Variants in RHBDD1 observed in about 807,000 individuals in gnomAD.
The protein encoded by RHBDD1 is rhomboid-related protein 4.
A neutral mutation model predicts 36.3 loss-of-function variants in RHBDD1; 38 were observed. The ratio of observed to expected loss-of-function variants is 1.05; its 90% CI spans 0.81 to 1.37. The LOEUF (loss-of-function observed/expected upper bound fraction) is 1.37. Among genes scored for constraint, RHBDD1 ranks in the 40% most tolerant of loss-of-function variants. The pLI is 0.00. For missense variants in RHBDD1, 393 were observed against 377.6 expected (o/e 1.04, Z -0.34); for synonymous variants, 151 against 136.5 (o/e 1.11, Z -0.74).
At chr2:226,810,594 G>T in the RHBDD1 span, among the ~76,000 whole-genome samples, 118 of 100,002 alleles carry the variant, frequency 1.2e-3, no homozygotes, top group African/African-American at 4.8e-3. Context: ...ATAAGGAAAA[G>T]AAAATATATT....
intron 3 of RHBDD1, among the ~76,000 whole-genome samples, chr2:226,863,296 G>A (rs556543656): frequency 6.6e-6 from 1 of 152,326 alleles, no homozygotes; most frequent in East Asian, 1.9e-4. Flanking sequence ...CCAAGATCAT[G>A]CCATTGCACT....
chr2:226,906,285 A>G (rs1948046268), intron 5 of RHBDD1, among the ~76,000 whole-genome samples: 1 of 152,214 alleles, frequency 6.6e-6, no homozygotes, highest in Non-Finnish European at 1.5e-5. Flanking sequence ...TGGTGGATGC[A>G]GGTGGGCATC....
At chr2:226,981,880 C>T (rs1955846609) in intron 8 of RHBDD1, among the ~76,000 whole-genome samples, 2 of 152,294 alleles carry the variant, frequency 1.3e-5, no homozygotes, top group South Asian at 4.1e-4. Flanking sequence ...CAGATGGCTT[C>T]TCACTGCCAC....
At chr2:226,811,299 T>C in the RHBDD1 span, among the ~76,000 whole-genome samples, 1 of 151,752 alleles carries the variant, frequency 6.6e-6, no homozygotes, top group Non-Finnish European at 1.5e-5. Flanking sequence ...CCTAAAATTG[T>C]TTTTATTTTT....
rs543179081 is a variant in RHBDD1, at chr2:226,955,023, T to C, written c.857-40408T>C. On this transcript the variant is annotated intron_variant, in intron 8 of 8. Coordinates refer to ENST00000392062, the MANE Select transcript of RHBDD1 (RefSeq NM_001167608.3). ...GAGAGATTGGTGTGCTTGAGGGTAC[T>C]GAAAGCAGGAGAAGTTGCCAAGCAG... Among the ~76,000 whole-genome samples, 7 of 152,008 alleles carry C rather than the reference T, an allele frequency of 4.6e-5. No individual in the cohort carries two copies. In the East Asian group the frequency reaches 1.4e-3, roughly 29 times the overall value.
the RHBDD1 span, among the ~76,000 whole-genome samples, chr2:226,819,773 G>T: frequency 2.0e-5 from 3 of 151,904 alleles, no homozygotes; most frequent in Admixed American, 2.0e-4. Flanking sequence ...TCACATTATT[G>T]CTCAGTAGAA....
At chr2:226,836,009 G>A (rs906172545), upstream of RHBDD1, 4 of 152,692 alleles carry the variant, frequency 2.6e-5, no homozygotes, top group African/African-American at 4.8e-5. Context: ...CCAGGAACCC[G>A]GGGCGCCCCG....
intron 5 of RHBDD1, among the ~76,000 whole-genome samples, chr2:226,871,530 T>G (rs1222551419): frequency 6.6e-6 from 1 of 152,234 alleles, no homozygotes; most frequent in East Asian, 1.9e-4. Flanking sequence ...ATATTGCCTT[T>G]GATTATTGTA....
At position 226,873,142 on chromosome 2, in the gene RHBDD1, G is replaced by C. The variant is rs377631759; in HGVS notation, c.566+5824G>C. Among the ~76,000 whole-genome samples the C allele has an allele frequency of 3.3e-5, 5 of 152,254 alleles. No homozygotes were observed. In the East Asian group the frequency reaches 5.8e-4, roughly 18 times the overall value. On this transcript the variant is annotated intron_variant, in intron 5 of 8. Coordinates refer to ENST00000392062, the MANE Select transcript of RHBDD1 (RefSeq NM_001167608.3). ...TGGGACCGCTGCTCTTGCATATCCT[G>C]TTATCATCCTGGTTACAAATGCACA...
chr2:226,942,945 G>A (rs1950758793), intron 8 of RHBDD1, among the ~76,000 whole-genome samples: 1 of 152,170 alleles, frequency 6.6e-6, no homozygotes, highest in South Asian at 2.1e-4. Context: ...TTATTCACAT[G>A]AGAATTTCCG....
At chr2:226,862,653 T>G (rs569009337) in intron 3 of RHBDD1, among the ~76,000 whole-genome samples, 5 of 152,362 alleles carry the variant, frequency 3.3e-5, no homozygotes, top group African/African-American at 4.8e-5. Flanking sequence ...CTTACTAGCT[T>G]CTTCTCATGA....
chr2:226,926,693 T>A (rs960385734), intron 8 of RHBDD1, among the ~76,000 whole-genome samples: 3 of 152,170 alleles, frequency 2.0e-5, no homozygotes, highest in African/African-American at 7.2e-5. Flanking sequence ...TGGTTACTAG[T>A]TTCAGAAAGT....
At chr2:226,985,676 G>C (rs1956774237) in intron 8 of RHBDD1, among the ~76,000 whole-genome samples, 2 of 152,258 alleles carry the variant, frequency 1.3e-5, no homozygotes, top group African/African-American at 2.4e-5. Context: ...TCTGTGGGAA[G>C]CCCACCCAAT....
At chr2:226,852,235 A>G (rs1942881050) in intron 3 of RHBDD1, among the ~76,000 whole-genome samples, 1 of 152,208 alleles carries the variant, frequency 6.6e-6, no homozygotes, top group Non-Finnish European at 1.5e-5. Flanking sequence ...TGATAGTATC[A>G]TTTGAAATCA....
chr2:226,934,095 C>T (rs1950196086), intron 8 of RHBDD1, among the ~76,000 whole-genome samples: 1 of 152,072 alleles, frequency 6.6e-6, no homozygotes, highest in African/African-American at 2.4e-5. Context: ...TATAGTCATG[C>T]ATTACATAAT....
the RHBDD1 span, among the ~76,000 whole-genome samples, chr2:226,815,587 T>C: frequency 2.6e-5 from 4 of 152,224 alleles, no homozygotes; most frequent in African/African-American, 4.8e-5. Flanking sequence ...TCAAAGTTGA[T>C]TGATTTCTAA....
rs558930732 is a variant in RHBDD1, at chr2:226,869,134, T to G, written c.566+1816T>G. The stretch of plus-strand genomic sequence containing the variant: ...TCTGAAGTGCTTTTTATGCATTTCA[T>G]TTTTTAGGGTTCCCCCCAACTTACA... On this transcript the variant is annotated intron_variant, in intron 5 of 8. Transcript: ENST00000392062. The G allele has an allele frequency of 1.5e-5, 15 of 981,838 alleles. No homozygotes were observed. In the South Asian group the frequency reaches 6.6e-4, roughly 43 times the overall value. The allele number at this position is 981,838 out of a possible 1,614,324, so 60.8% of individuals were successfully genotyped here.
intron 5 of RHBDD1, among the ~76,000 whole-genome samples, chr2:226,868,017 G>C (rs1172327320): frequency 6.6e-6 from 1 of 152,136 alleles, no homozygotes; most frequent in Admixed American, 6.5e-5. Context: ...GCACCCGGCC[G>C]ATCTAATGCT....
chr2:226,922,269 G>A (rs926764582), intron 8 of RHBDD1, among the ~76,000 whole-genome samples: 2 of 137,650 alleles, frequency 1.5e-5, no homozygotes, highest in African/African-American at 5.5e-5. Flanking sequence ...GTGCAGTGGT[G>A]TGATCTCGGC....
Sources: gnomAD v4.1 joint callset for allele counts (sites outside exome capture counted in the v4.1 genomes callset) on GRCh38, gnomAD v4.1.1 for gene constraint, MANE v1.5 for transcripts, NCBI Gene and HGNC (gene_info 2026-07-23, HGNC 2026-07-21) for gene names.